Variants in TRPC5 observed in about 807,000 individuals in gnomAD.
TRPC5 encodes the protein transient receptor potential cation channel subfamily C member 5, also known as short transient receptor potential channel 5.
Under a neutral mutation model 56.5 loss-of-function variants are expected in TRPC5, and 9 were observed. The ratio of observed to expected loss-of-function variants is 0.16; its 90% CI spans 0.10 to 0.28. The LOEUF (loss-of-function observed/expected upper bound fraction) is 0.28, where lower values mean the gene tolerates loss of function less well. Among genes scored for constraint, TRPC5 ranks in the 10% least tolerant of loss-of-function variants. The pLI is 1.00. For synonymous variants in TRPC5, 282 were observed against 278.5 expected, an observed-to-expected ratio of 1.01 and a Z score of -0.13; for missense variants, 469 against 748.9, an observed-to-expected ratio of 0.63 and a Z score of 4.36.
At chrX:112,008,125 C>A (rs917705381) in intron 1 of TRPC5, among the ~76,000 whole-genome samples, 1 of 112,203 alleles carries the variant, frequency 8.9e-6, no homozygotes, top group African/African-American at 3.2e-5. Flanking sequence ...ATAAGAAGAG[C>A]CTGGCTTGGA....
At chrX:111,887,184 C>T (rs1429897617) in intron 3 of TRPC5, among the ~76,000 whole-genome samples, 2 of 112,416 alleles carry the variant, frequency 1.8e-5, no homozygotes, top group Non-Finnish European at 3.8e-5. Context: ...TATTACATTG[C>T]TTTGGAGAAC....
chrX:112,060,995 C>A (rs1930447838), intron 1 of TRPC5, among the ~76,000 whole-genome samples: 1 of 112,464 alleles, frequency 8.9e-6, no homozygotes, highest in African/African-American at 3.2e-5. Flanking sequence ...CAACAACTGG[C>A]CATTTCCTGG....
intron 3 of TRPC5, chrX:111,903,879 A>G (rs1337433999): frequency 8.9e-6 from 1 of 112,322 alleles, no homozygotes; most frequent in African/African-American, 3.2e-5. Flanking sequence ...GATTACTGCT[A>G]GTTATTATCT....
At chrX:111,800,228 G>A (rs1261975353) in intron 7 of TRPC5, among the ~76,000 whole-genome samples, 4 of 111,265 alleles carry the variant, frequency 3.6e-5, no homozygotes, top group African/African-American at 1.3e-4. Context: ...CCTACTCAAC[G>A]TGAAGATAAT....
intron 1 of TRPC5, among the ~76,000 whole-genome samples, chrX:111,962,980 G>C (rs949424568): frequency 1.3e-4 from 14 of 111,814 alleles, no homozygotes; most frequent in Non-Finnish European, 2.6e-4. Flanking sequence ...AGTGGGAGCA[G>C]AACAGTGGGT....
chrX:111,963,970 C>T (rs763574246), intron 1 of TRPC5, among the ~76,000 whole-genome samples: 15 of 111,979 alleles, frequency 1.3e-4, no homozygotes, highest in South Asian at 1.1e-3. Flanking sequence ...CAAAGCTGGA[C>T]GGAGAATGAC....
intron 7 of TRPC5, among the ~76,000 whole-genome samples, chrX:111,800,417 G>T (rs1047817838): frequency 9.0e-6 from 1 of 111,550 alleles, no homozygotes; most frequent in Non-Finnish European, 1.9e-5. Flanking sequence ...GGATCACGAG[G>T]TCAGGAGTTT....
At chrX:111,803,111 C>T (rs887298413) in intron 7 of TRPC5, among the ~76,000 whole-genome samples, 4 of 110,829 alleles carry the variant, frequency 3.6e-5, no homozygotes, top group South Asian at 3.9e-4. Flanking sequence ...TGAGAACATG[C>T]GGTGTTTGGT....
intron 1 of TRPC5, among the ~76,000 whole-genome samples, chrX:112,026,331 C>T (rs767442374): frequency 6.2e-5 from 7 of 112,452 alleles, no homozygotes; most frequent in African/African-American, 2.3e-4. Flanking sequence ...TGGCTAGTTA[C>T]AGAAAAACTT....
At chrX:111,824,229 CAAAAA>C (rs1173966332) in intron 7 of TRPC5, among the ~76,000 whole-genome samples, 4 of 54,597 alleles carry the variant, frequency 7.3e-5, no homozygotes, top group African/African-American at 2.0e-4. Flanking sequence ...GACCCTGTCT[CAAAAA>C]AAAAAAAAAA....
At chrX:112,076,367 T>C (rs1930834729) in intron 1 of TRPC5, among the ~76,000 whole-genome samples, 1 of 111,336 alleles carries the variant, frequency 9.0e-6, no homozygotes, top group Non-Finnish European at 1.9e-5. Flanking sequence ...GAGTACTACG[T>C]GTATCATATT....
At chrX:111,939,576 C>G (rs751882605) in intron 2 of TRPC5, among the ~76,000 whole-genome samples, 1 of 111,545 alleles carries the variant, frequency 9.0e-6, no homozygotes, top group African/African-American at 3.3e-5. Context: ...GTTCTCATTA[C>G]TTGTTATTGG....
intron 1 of TRPC5, among the ~76,000 whole-genome samples, chrX:111,953,836 A>G (rs1185711330): frequency 2.7e-5 from 3 of 112,274 alleles, no homozygotes; most frequent in Admixed American, 1.9e-4. Context: ...GGTATTTGCA[A>G]TTCATGTGCT....
At position 111,852,933 on chromosome X, in the gene TRPC5, AT is replaced by A. The variant is rs373884953; in HGVS notation, c.1238-497del. Among the ~76,000 whole-genome samples, 216 of 108,845 alleles carry A rather than the reference AT, an allele frequency of 2.0e-3. 4 individuals carry two copies. Among genetic ancestry groups the A allele is most frequent in the Admixed American group, 0.017 (173 of 10,171 alleles). 94.5% of individuals were successfully genotyped at this position (108,845 alleles called of 115,157 possible). A position where few individuals can be genotyped will look rare whatever the true frequency, so the allele number is the denominator to read the frequency against. Reference sequence around the variant, plus strand: ...TGGGGCCCAAAATAATTTATAACTCATTTTTTTTTCCTTTTTTCTCTCATCA... The same window carrying A: ...TGGGGCCCAAAATAATTTATAACTCATTTTTTTTCCTTTTTTCTCTCATCA... On this transcript the variant is annotated intron_variant, in intron 4 of 10. Coordinates refer to ENST00000262839, the MANE Select transcript of TRPC5 (RefSeq NM_012471.3).
chrX:111,797,970 G>T (rs1179986911), intron 7 of TRPC5, among the ~76,000 whole-genome samples: 1 of 111,152 alleles, frequency 9.0e-6, no homozygotes, highest in Non-Finnish European at 1.9e-5. Flanking sequence ...AAATTTATTG[G>T]AAAATTATTT....
At chrX:112,047,672 G>C (rs1031574714) in intron 1 of TRPC5, among the ~76,000 whole-genome samples, 1 of 111,876 alleles carries the variant, frequency 8.9e-6, no homozygotes, top group Non-Finnish European at 1.9e-5. Context: ...CAGCAGAATG[G>C]TAAAGAAAAA....
In TRPC5 at chrX:111,917,386, TA is replaced by T. The variant is rs374852982; in HGVS notation, c.379-4575del. Among the ~76,000 whole-genome samples, 946 of 112,088 alleles carry T rather than the reference TA, an allele frequency of 8.4e-3. 10 individuals are homozygous for T. Among genetic ancestry groups the T allele is most frequent in the African/African-American group, 0.028 (878 of 30,827 alleles). On this transcript the variant is annotated intron_variant, in intron 2 of 10. Transcript: ENST00000262839. ...ATTAGATAGTGATTCTAGAGATAGA[TA>T]AAAAATAACAAATTTAAGGCATTCA...
intron 1 of TRPC5, among the ~76,000 whole-genome samples, chrX:111,964,089 G>A (rs886319227): frequency 1.7e-4 from 19 of 111,514 alleles, no homozygotes; most frequent in African/African-American, 4.9e-4. Flanking sequence ...AAAATTAGAC[G>A]AATGGATACC....
rs775174583 is a variant in TRPC5 at position 111,993,971 on chromosome X, C to T, written c.-21-41530G>A. ...CTTTTGGTGTTTTAGTCATGAAGTCCTTGCCCATGCCTATGTCCTGAATGG... is the reference window on the plus strand; with the variant it reads ...CTTTTGGTGTTTTAGTCATGAAGTCTTTGCCCATGCCTATGTCCTGAATGG... On this transcript the variant is annotated intron_variant, in intron 1 of 10. Coordinates refer to ENST00000262839, the MANE Select transcript of TRPC5 (RefSeq NM_012471.3). 7.4e-3 allele frequency among the ~76,000 whole-genome samples: 830 copies of T among 111,822 alleles called. 7 individuals are homozygous for T. The highest frequency in any genetic ancestry group is 0.018 in the Middle Eastern group (4 of 218).
Sources: allele counts gnomAD v4.1 joint callset (sites outside exome capture counted in the v4.1 genomes callset), GRCh38; gene constraint gnomAD v4.1.1; transcripts MANE v1.5; gene names NCBI Gene and HGNC (gene_info 2026-07-23, HGNC 2026-07-21).